JPH3: variants seen among roughly 807,000 people sequenced by gnomAD.
The protein encoded by JPH3 is junctophilin 3, also known as junctophilin-3.
A neutral mutation model predicts 59.6 loss-of-function variants in JPH3; 11 were observed. The observed-to-expected ratio is 0.18, with a 90% CI of 0.12 to 0.31. JPH3 has a LOEUF of 0.31. Among genes scored for constraint, JPH3 ranks in the 10% least tolerant of loss-of-function variants. The probability of loss-of-function intolerance (pLI) is 1.00; values close to 1 mark genes in which losing one functional copy is unlikely to be tolerated. For synonymous variants in JPH3, 673 were observed against 483.6 expected (o/e 1.39, Z -5.14); for missense variants, 1,202 against 1,105.7 (o/e 1.09, Z -1.24).
chr16:87,621,200 G>T (rs991026777), intron 1 of JPH3, among the ~76,000 whole-genome samples: 2 of 152,176 alleles, frequency 1.3e-5, no homozygotes, highest in African/African-American at 4.8e-5. Flanking sequence ...GGAGCGCAGG[G>T]GTCAGCAGCT....
chr16:87,642,309 G>A (rs930149377), intron 1 of JPH3, among the ~76,000 whole-genome samples: 2 of 152,104 alleles, frequency 1.3e-5, no homozygotes, highest in South Asian at 2.1e-4. Flanking sequence ...CCTGCCACCC[G>A]CTGCAGCCTC....
intron 2 of JPH3, chr16:87,654,961 C>T (rs897331670): frequency 6.6e-6 from 1 of 152,276 alleles, no homozygotes; most frequent in African/African-American, 2.4e-5. Context: ...TCCGGGAAAA[C>T]GCTGTCACCG....
chr16:87,621,223 T>G (rs1394827034), intron 1 of JPH3, among the ~76,000 whole-genome samples: 1 of 152,198 alleles, frequency 6.6e-6, no homozygotes, highest in Non-Finnish European at 1.5e-5. Context: ...CTTCTCGCCC[T>G]GGCAGCTGGA....
chr16:87,661,608 C>T (rs896012546), intron 2 of JPH3, among the ~76,000 whole-genome samples: 9 of 152,298 alleles, frequency 5.9e-5, no homozygotes, highest in Admixed American at 3.9e-4. Flanking sequence ...GGGGGAGAGC[C>T]GAGAACACAC....
chr16:87,635,459 G>T (rs1345238758), intron 1 of JPH3, among the ~76,000 whole-genome samples: 1 of 152,210 alleles, frequency 6.6e-6, no homozygotes, highest in East Asian at 1.9e-4. Context: ...TACCCACAAG[G>T]CCGGCTGAGG....
At position 87,696,744 on chromosome 16, in the gene JPH3, C is replaced by T; in HGVS notation, c.*84C>T. 2.6e-6 allele frequency: 3 copies of T among 1,145,286 alleles called. No homozygotes were observed. In the South Asian group the frequency reaches 3.8e-5, roughly 14 times the overall value. The allele number at this position is 1,145,286 out of a possible 1,614,324, so 70.9% of individuals were successfully genotyped here. On this transcript the variant is annotated 3_prime_UTR_variant, in exon 5 of 5. Transcript: ENST00000284262. Reference sequence around the variant, plus strand: ...AAGCAAAACCACAAGAAGGGAAAGACCGCAACTCGGACAGCCCAGCGACTT... The same window carrying T: ...AAGCAAAACCACAAGAAGGGAAAGATCGCAACTCGGACAGCCCAGCGACTT...
chr16:87,639,452 A>AGTTAT (rs1342407788), intron 1 of JPH3, among the ~76,000 whole-genome samples: 2 of 152,172 alleles, frequency 1.3e-5, no homozygotes, highest in Non-Finnish European at 2.9e-5. Context: ...CATAACCTAC[A>AGTTAT]GTGTCCCGTC....
chr16:87,633,458 A>C (rs1394808743), intron 1 of JPH3, among the ~76,000 whole-genome samples: 2 of 151,506 alleles, frequency 1.3e-5, no homozygotes, highest in Non-Finnish European at 2.9e-5. Context: ...AGACATAACT[A>C]TTCAGAACTC....
At chr16:87,615,490 G>T (rs551170086) in intron 1 of JPH3, among the ~76,000 whole-genome samples, 1 of 152,310 alleles carries the variant, frequency 6.6e-6, no homozygotes, top group South Asian at 2.1e-4. Context: ...GTGGGGCCGG[G>T]CCCTGGAGCT....
At chr16:87,628,246 T>C (rs953165921) in intron 1 of JPH3, among the ~76,000 whole-genome samples, 3 of 152,242 alleles carry the variant, frequency 2.0e-5, no homozygotes, top group African/African-American at 7.2e-5. Flanking sequence ...GGTGCTGGCA[T>C]GGGCGGGTCA....
chr16:87,693,983 G>C (rs185783845), intron 4 of JPH3: 3 of 152,402 alleles, frequency 2.0e-5, no homozygotes, highest in Non-Finnish European at 2.9e-5. Flanking sequence ...ACCGTGCCGA[G>C]TGGTGTTGGC....
chr16:87,652,826 G>A (rs533540825), intron 2 of JPH3, among the ~76,000 whole-genome samples: 4 of 152,362 alleles, frequency 2.6e-5, no homozygotes, highest in Non-Finnish European at 5.9e-5. Context: ...TGTGAATGCA[G>A]CCTTGACTGG....
chr16:87,683,444 A>C (rs1001998247), intron 2 of JPH3, among the ~76,000 whole-genome samples: 1 of 151,912 alleles, frequency 6.6e-6, no homozygotes, highest in African/African-American at 2.4e-5. Context: ...AGCTGGGATT[A>C]CAGGCACGTG....
At chr16:87,641,699 G>A (rs1180156927) in intron 1 of JPH3, among the ~76,000 whole-genome samples, 1 of 152,236 alleles carries the variant, frequency 6.6e-6, no homozygotes, top group Admixed American at 6.5e-5. Flanking sequence ...CGTGTGGCAG[G>A]TGCCACCATC....
intron 1 of JPH3, 68 bp downstream of exon 1, chr16:87,603,596 A>C: frequency 6.7e-7 from 1 of 1,493,900 alleles, no homozygotes; most frequent in Non-Finnish European, 8.9e-7. Flanking sequence ...CCTTCTGTGG[A>C]TCTCTGGGGA....
chr16:87,634,903 G>A (rs1415352574), intron 1 of JPH3, among the ~76,000 whole-genome samples: 3 of 152,254 alleles, frequency 2.0e-5, no homozygotes, highest in African/African-American at 4.8e-5. Flanking sequence ...TGACACTGGG[G>A]TTATTTTACC....
In JPH3 at chr16:87,604,186, G is replaced by A. The variant is rs766638707; in HGVS notation, c.382+658G>A. 7.0e-4 allele frequency: 984 copies of A among 1,402,192 alleles called. 9 individuals carry two copies. The highest frequency in any genetic ancestry group is 8.0e-4 in the Non-Finnish European group (847 of 1,063,944). 86.9% of individuals were successfully genotyped at this position (1,402,192 alleles called of 1,614,324 possible). On this transcript the variant is annotated intron_variant, in intron 1 of 4. Coordinates refer to ENST00000284262, the MANE Select transcript of JPH3 (RefSeq NM_020655.4). ...AGCCCAGGAATCTCGTCTTTCAGTG[G>A]CTGCATCGTTTTCACCATTAGTTGA...
At chr16:87,658,221 G>T (rs1028256896) in intron 2 of JPH3, among the ~76,000 whole-genome samples, 2 of 152,154 alleles carry the variant, frequency 1.3e-5, no homozygotes, top group East Asian at 1.9e-4. Flanking sequence ...TCCTGAGGTC[G>T]CAGGGCTACC....
At chr16:87,607,368 C>T (rs1597231491) in intron 1 of JPH3, among the ~76,000 whole-genome samples, 1 of 152,224 alleles carries the variant, frequency 6.6e-6, no homozygotes, top group Non-Finnish European at 1.5e-5. Flanking sequence ...ACTCAGGTCC[C>T]GTTCACCGGC....
Sources: gnomAD v4.1 joint callset for allele counts (sites outside exome capture counted in the v4.1 genomes callset) on GRCh38, gnomAD v4.1.1 for gene constraint, MANE v1.5 for transcripts, NCBI Gene and HGNC (gene_info 2026-07-23, HGNC 2026-07-21) for gene names.